The following CRYBG2 variants were observed in gnomAD, a reference collection of about 807,000 sequenced individuals.
CRYBG2 encodes the protein beta/gamma crystallin domain-containing protein 2.
Under a neutral mutation model 153.4 loss-of-function variants are expected in CRYBG2, and 106 were observed. The ratio of observed to expected loss-of-function variants is 0.69; its 90% CI spans 0.59 to 0.81. The LOEUF (loss-of-function observed/expected upper bound fraction) is 0.81. Ranked by LOEUF, CRYBG2 falls within the 30% of genes least tolerant of loss-of-function variation. CRYBG2 has a pLI of 0.00. For missense variants in CRYBG2, 1,996 were observed against 2,112.0 expected (o/e 0.95, Z 1.08); for synonymous variants, 851 against 877.8 (o/e 0.97, Z 0.54).
chr1:26,343,406 G>A lies in CRYBG2; in HGVS notation c.2914-113C>T, dbSNP rs960067031. The A allele has an allele frequency of 2.4e-6, 3 of 1,273,290 alleles. No homozygotes were observed. The highest frequency in any genetic ancestry group is 3.0e-5 in the African/African-American group (2 of 67,430). 78.9% of individuals were successfully genotyped at this position (1,273,290 alleles called of 1,614,324 possible). On this transcript the variant is annotated intron_variant, in intron 2 of 19. Transcript: ENST00000308182. The surrounding 1 kb of genome is among the most constrained non-coding windows in gnomAD (Gnocchi z 4.1). ...CTCCCTATTAACCTCCACCCGCAAG[G>A]AGCTGGCGCATAGAGGATGCTCACA...
At position 26,330,518 on chromosome 1, in the gene CRYBG2, C is replaced by T. The variant is rs541460162; in HGVS notation, c.4314+971G>A. On this transcript the variant is annotated intron_variant, in intron 15 of 19. Transcript: ENST00000308182. ...TAGCATTGTGGAGAAGATTAAAAGG[C>T]TTTAGTATATGTGGCAAGCCTTTTT... 5.5e-5 allele frequency among the ~76,000 whole-genome samples: 8 copies of T among 144,350 alleles called. No homozygotes were observed. The East Asian group carries it at 1.6e-3, about 29-fold the overall frequency. The allele number at this position is 144,350 out of a possible 152,430, so 94.7% of individuals were successfully genotyped here.
At chr1:26,332,321 A>AG (rs1379282490) in intron 14 of CRYBG2, among the ~76,000 whole-genome samples, 133 of 151,556 alleles carry the variant, frequency 8.8e-4, no homozygotes, top group African/African-American at 1.6e-3. Flanking sequence ...AAAAAAAAAA[A>AG]AAAGAAAGAA....
chr1:26,332,838 GT>G (rs571629135), intron 14 of CRYBG2, among the ~76,000 whole-genome samples: 9 of 150,694 alleles, frequency 6.0e-5, no homozygotes, highest in African/African-American at 1.5e-4. Context: ...ACAATTTAGT[GT>G]TTTTTTTATT....
Position 26,343,652 on chromosome 1 carries a change from A to T in CRYBG2, c.2913+93T>A. 3 of 1,386,642 alleles carry T rather than the reference A, an allele frequency of 2.2e-6. No individual in the cohort carries two copies. The South Asian group carries it at 4.9e-5, about 23-fold the overall frequency. 85.9% of individuals were successfully genotyped at this position (1,386,642 alleles called of 1,614,324 possible). A position where few individuals can be genotyped will look rare whatever the true frequency, so the allele number is the denominator to read the frequency against. On this transcript the variant is annotated intron_variant, in intron 2 of 19. Coordinates refer to ENST00000308182, the MANE Select transcript of CRYBG2 (RefSeq NM_001039775.4). The surrounding 1 kb of genome is among the most constrained non-coding windows in gnomAD (Gnocchi z 4.1). Reference sequence around the variant, plus strand: ...TTCAGACAGAAGCCTCTGCCCCCAGACTCTGACTCCCAGCACCACTCTCTT... The same window carrying T: ...TTCAGACAGAAGCCTCTGCCCCCAGTCTCTGACTCCCAGCACCACTCTCTT...
intron 4 of CRYBG2, 62 bp downstream of exon 4, chr1:26,342,985 C>T (rs1011456362): frequency 1.6e-5 from 25 of 1,542,160 alleles, no homozygotes; most frequent in Admixed American, 2.0e-5. Flanking sequence ...GGTCACTCCT[C>T]ACTCCCCTCT....
chr1:26,336,578 G>C lies in CRYBG2; in HGVS notation c.4038+28C>G. ...GAACTCCAGGTCCCGCCACCGGGGA[G>C]GCCCCGCCCCCCGCGGCCGGCACGC... On this transcript the variant is annotated intron_variant, in intron 12 of 19. Transcript: ENST00000308182. This position sits in a 1 kb window ranked among gnomAD's most constrained non-coding sequence, Gnocchi z 4.9. The C allele has an allele frequency of 6.5e-7, 1 of 1,543,408 alleles. No individual in the cohort carries two copies. Among genetic ancestry groups the C allele is most frequent in the Middle Eastern group, 1.7e-4 (1 of 5,880 alleles).
chr1:26,331,725 G>A (rs769190607), intron 14 of CRYBG2, 107 bp from the exon 15 acceptor site: 447 of 1,462,964 alleles, frequency 3.1e-4, no homozygotes, highest in Admixed American at 3.7e-4. Context: ...ATGATCCCCT[G>A]TCCCAGGGGA....
In CRYBG2 at chr1:26,338,057, A is replaced by T; in HGVS notation, c.3472-10T>A. The T allele has an allele frequency of 5.0e-6, 8 of 1,612,414 alleles. No individual in the cohort carries two copies. Among genetic ancestry groups the T allele is most frequent in the Non-Finnish European group, 6.8e-6 (8 of 1,179,340 alleles). On this transcript the variant is annotated splice_polypyrimidine_tract_variant and intron_variant, in intron 7 of 19. Coordinates refer to ENST00000308182, the MANE Select transcript of CRYBG2 (RefSeq NM_001039775.4). ...CCACACTTGGGCAGCCCTGCAGAGG[A>T]GACAGAGCTGAGACACCAGCCCAGA... is the stretch of plus-strand genomic sequence containing the variant.
Position 26,345,260 on chromosome 1 carries a change from G to C in CRYBG2, c.1398C>G (p.Gly466=). Residue 466 remains glycine, a synonymous_variant, in exon 2 of 20, where the codon GGC becomes GGG. Transcript: ENST00000308182. ...LPFTQREVVK[G]PGAPAASSPT... is the part of the protein sequence containing the mutation. The stretch of plus-strand genomic sequence containing the variant: ...GAGATGAGGCAGCAGGAGCACCGGG[G>C]CCCTTCACGACCTCCCTCTGGGTAA... The C allele has an allele frequency of 6.2e-7, 1 of 1,612,294 alleles. No individual in the cohort carries two copies. The highest frequency in any genetic ancestry group is 1.7e-5 in the Admixed American group (1 of 59,962).
Position 26,322,329 on chromosome 1 carries a change from G to A in CRYBG2, c.4738-6C>T. On this transcript the variant is annotated splice_polypyrimidine_tract_variant and splice_region_variant and intron_variant, in intron 18 of 19. Coordinates refer to ENST00000308182, the MANE Select transcript of CRYBG2 (RefSeq NM_001039775.4). ...AGGCTCATGGTGGGGGCCATCTGAG[G>A]CCCCAGGAGGTCATCAGGCATTGTT... The A allele has an allele frequency of 6.2e-7, 1 of 1,607,452 alleles. No homozygotes were observed. The highest frequency in any genetic ancestry group is 8.5e-7 in the Non-Finnish European group (1 of 1,176,526).
intron 15 of CRYBG2, among the ~76,000 whole-genome samples, chr1:26,330,325 C>A (rs577251320): frequency 6.6e-6 from 1 of 152,012 alleles, no homozygotes; most frequent in African/African-American, 2.4e-5. Context: ...GCTTCAGAAC[C>A]AGGTTTATTT....
chr1:26,340,895 G>T (rs2074120991), intron 5 of CRYBG2, among the ~76,000 whole-genome samples: 1 of 151,682 alleles, frequency 6.6e-6, no homozygotes, highest in African/African-American at 2.4e-5. Flanking sequence ...GGGATTACAG[G>T]CGTGAGCCAC....
intron 5 of CRYBG2, among the ~76,000 whole-genome samples, chr1:26,342,468 A>C (rs2074142309): frequency 6.6e-6 from 1 of 152,126 alleles, no homozygotes; most frequent in Non-Finnish European, 1.5e-5. Context: ...GGTGCAATCC[A>C]GGCTTACTGC....
At chr1:26,349,582 A>G (rs533007338) in intron 1 of CRYBG2, among the ~76,000 whole-genome samples, 183 of 152,154 alleles carry the variant, frequency 1.2e-3, no homozygotes, top group African/African-American at 4.3e-3. Context: ...GATAATATTA[A>G]CACCTGCCAA....
At chr1:26,337,985 C>G in intron 8 of CRYBG2, 27 bp downstream of exon 8, 1 of 1,611,004 alleles carries the variant, frequency 6.2e-7, no homozygotes, top group Non-Finnish European at 8.5e-7. Flanking sequence ...CAAAGGCCCT[C>G]TTTGGCTCTT....
intron 17 of CRYBG2, among the ~76,000 whole-genome samples, chr1:26,327,614 A>C (rs919074741): frequency 1.3e-5 from 2 of 150,598 alleles, no homozygotes; most frequent in Non-Finnish European, 3.0e-5. Flanking sequence ...GTGCCATTGC[A>C]CTCCAACCTG....
intron 14 of CRYBG2, among the ~76,000 whole-genome samples, chr1:26,333,459 A>G (rs900133013): frequency 3.3e-5 from 5 of 152,058 alleles, no homozygotes; most frequent in Non-Finnish European, 7.4e-5. Context: ...CCAGGTACTC[A>G]AGAGGCTGAG....
chr1:26,339,574 C>T (rs2074105089), intron 5 of CRYBG2, 145 bp from the exon 6 acceptor site: 3 of 806,120 alleles, frequency 3.7e-6, no homozygotes, highest in African/African-American at 1.7e-5. Context: ...TGGAGAAACC[C>T]AGTCTCTACT....
chr1:26,338,773 A>T (rs1301761768), intron 6 of CRYBG2, among the ~76,000 whole-genome samples: 1 of 152,154 alleles, frequency 6.6e-6, no homozygotes, highest in Non-Finnish European at 1.5e-5. Flanking sequence ...AGGCTCTGCA[A>T]TCTGGCCTCT....
Sources: allele counts gnomAD v4.1 joint callset (sites outside exome capture counted in the v4.1 genomes callset), GRCh38; gene constraint gnomAD v4.1.1; non-coding constraint Gnocchi (gnomAD v3.1); transcripts MANE v1.5; gene names NCBI Gene and HGNC (gene_info 2026-07-23, HGNC 2026-07-21).